The following MPP2 variants were observed in gnomAD, a reference collection of about 807,000 sequenced individuals.
The protein encoded by MPP2 is MAGUK p55 scaffold protein 2.
Under a neutral mutation model 58.5 loss-of-function variants are expected in MPP2, and 42 were observed. The observed-to-expected ratio is 0.72, with a 90% CI of 0.56 to 0.93. The LOEUF (loss-of-function observed/expected upper bound fraction) is 0.93, where lower values mean the gene tolerates loss of function less well. Ranked by LOEUF, MPP2 falls within the 40% of genes least tolerant of loss-of-function variation. MPP2 has a pLI of 0.00. For synonymous variants in MPP2, 300 were observed against 307.8 expected (o/e 0.97, Z 0.26); for missense variants, 632 against 760.4 (o/e 0.83, Z 1.99).
intron 3 of MPP2, among the ~76,000 whole-genome samples, chr17:43,885,331 A>G (rs1246370023): frequency 6.6e-6 from 1 of 152,028 alleles, no homozygotes; most frequent in African/African-American, 2.4e-5. Flanking sequence ...ACATGTTCCC[A>G]TCAGTCCTTG....
chr17:43,880,009 C>T lies in MPP2; in HGVS notation c.1151-25G>A, dbSNP rs530285603. ...TCTAGGGGGATGGGGGTAGGTTGGA[C>T]CAAATGGGCAGGGGCAGGTTACAGT... On this transcript the variant is annotated intron_variant, in intron 10 of 12. Coordinates refer to ENST00000269095, the MANE Select transcript of MPP2 (RefSeq NM_005374.5). The surrounding 1 kb of genome is among the most constrained non-coding windows in gnomAD (Gnocchi z 5.2). 1.2e-6 allele frequency: 2 copies of T among 1,612,176 alleles called. No individual in the cohort carries two copies. Among genetic ancestry groups the T allele is most frequent in the African/African-American group, 1.3e-5 (1 of 74,904 alleles).
chr17:43,882,212 C>T (rs1255289874), intron 6 of MPP2, 72 bp downstream of exon 6: 6 of 1,405,046 alleles, frequency 4.3e-6, no homozygotes, highest in East Asian at 2.3e-5. Context: ...GGAGGGCCTC[C>T]GTGAGACCTG....
At chr17:43,884,459 A>T (rs2047280187) in intron 3 of MPP2, among the ~76,000 whole-genome samples, 1 of 152,092 alleles carries the variant, frequency 6.6e-6, no homozygotes, top group Non-Finnish European at 1.5e-5. Context: ...GCTTCAAGTG[A>T]TCCTCCTGCT....
At chr17:43,884,602 ACGTT>A (rs758016030) in intron 3 of MPP2, among the ~76,000 whole-genome samples, 2 of 152,152 alleles carry the variant, frequency 1.3e-5, no homozygotes, top group Non-Finnish European at 2.9e-5. Flanking sequence ...GATTAGACTT[ACGTT>A]AATCCTTTTG....
chr17:43,906,756 G>T (rs1311909349), intron 1 of MPP2, among the ~76,000 whole-genome samples: 1 of 152,064 alleles, frequency 6.6e-6, no homozygotes, highest in Non-Finnish European at 1.5e-5. Flanking sequence ...GGGGCGTGTT[G>T]TGAGCCATCA....
At position 43,877,910 on chromosome 17, in the gene MPP2, C is replaced by T. The variant is rs1192444777; in HGVS notation, c.1556G>A (p.Cys519Tyr). ...CCTCTCCAGGTTGCTATTGACCAGG[C>T]AGAGGTCAAAGTAGTGCCCGTAGCC... ...QRGYGHYFDL[C>Y]LVNSNLERTF... is the part of the protein sequence containing the mutation. Residue 519 changes from cysteine (C) to tyrosine (Y), a missense_variant, in exon 13 of 13, where the codon TGC (cysteine) becomes TAC (tyrosine). Physicochemically the swap from Cys to Tyr is radical, Grantham distance 194. Coordinates refer to ENST00000269095, the MANE Select transcript of MPP2 (RefSeq NM_005374.5). 3 of 1,613,930 alleles carry T rather than the reference C, an allele frequency of 1.9e-6. No individual in the cohort carries two copies. The highest frequency in any genetic ancestry group is 2.5e-6 in the Non-Finnish European group (3 of 1,179,940).
At chr17:43,909,505 C>A (rs1850495528), upstream of MPP2, 2 of 1,262,914 alleles carry the variant, frequency 1.6e-6, no homozygotes, top group Non-Finnish European at 2.1e-6. Flanking sequence ...TGAATCTCTA[C>A]AAGATATTAA....
intron 3 of MPP2, among the ~76,000 whole-genome samples, chr17:43,893,602 T>C (rs1304336756): frequency 1.3e-5 from 2 of 152,166 alleles, no homozygotes; most frequent in Non-Finnish European, 2.9e-5. Context: ...CTGCCTGAGC[T>C]CCACCTCCTG....
intron 3 of MPP2, among the ~76,000 whole-genome samples, chr17:43,897,855 A>T (rs985414626): frequency 3.3e-5 from 5 of 152,176 alleles, no homozygotes; most frequent in South Asian, 2.1e-4. Flanking sequence ...TGTCATTACC[A>T]AATTGTCCTA....
At chr17:43,900,693 G>T (rs1299751144) in intron 2 of MPP2, 4 of 1,373,094 alleles carry the variant, frequency 2.9e-6, no homozygotes, top group Non-Finnish European at 3.8e-6. Context: ...AGGCTCAGCC[G>T]CCGTGACCGC....
intron 12 of MPP2, among the ~76,000 whole-genome samples, chr17:43,878,852 C>T (rs529769539): frequency 2.0e-5 from 3 of 152,342 alleles, no homozygotes; most frequent in African/African-American, 4.8e-5. Context: ...TGCTCCCTGA[C>T]GCTGACTCAG....
chr17:43,884,086 CA>C (rs2047264609), intron 3 of MPP2: 3 of 702,632 alleles, frequency 4.3e-6, no homozygotes, highest in Non-Finnish European at 7.8e-6. Context: ...CACTTTACCC[CA>C]AAGTATTTCA....
chr17:43,899,519 G>T (rs2047997696), intron 2 of MPP2, among the ~76,000 whole-genome samples: 1 of 152,194 alleles, frequency 6.6e-6, no homozygotes. Context: ...CCTGTAAAAT[G>T]GATGGATTGG....
intron 12 of MPP2, among the ~76,000 whole-genome samples, chr17:43,878,632 G>A (rs1450159443): frequency 1.3e-5 from 2 of 152,206 alleles, no homozygotes; most frequent in African/African-American, 4.8e-5. Flanking sequence ...TTGGCAGAAG[G>A]GTGCCAGCCT....
At chr17:43,900,293 C>T (rs2048032484) in intron 2 of MPP2, among the ~76,000 whole-genome samples, 1 of 152,176 alleles carries the variant, frequency 6.6e-6, no homozygotes, top group African/African-American at 2.4e-5. Flanking sequence ...AGATTCCCTC[C>T]GTTATCTAGG....
At position 43,881,263 on chromosome 17, in the gene MPP2, C is replaced by T. The variant is rs981209405; in HGVS notation, c.900G>A (p.Leu300=). Residue 300 remains leucine (L), a synonymous_variant, in exon 8 of 13, where the codon CTG becomes CTA. Coordinates refer to ENST00000269095, the MANE Select transcript of MPP2 (RefSeq NM_005374.5). ...EKRKAFVKRD[L]ELTPNSGTLC... ...TCCTACCTGAGTTTGGTGTCAGCTC[C>T]AGGTCCCTCTTGACAAATGCTTTCC... 1.2e-6 allele frequency: 2 copies of T among 1,614,056 alleles called. No individual in the cohort carries two copies. Among genetic ancestry groups the T allele is most frequent in the African/African-American group, 2.7e-5 (2 of 74,980 alleles).
At chr17:43,878,016 A>T (rs1407246369) in intron 12 of MPP2, 33 bp from the exon 13 acceptor site, 2 of 1,591,542 alleles carry the variant, frequency 1.3e-6, no homozygotes, top group South Asian at 2.3e-5. Flanking sequence ...CCCTACAGTC[A>T]GTGCCCACAA....
upstream of MPP2, chr17:43,909,519 C>T (rs2048384736): frequency 3.0e-6 from 4 of 1,337,384 alleles, no homozygotes; most frequent in Non-Finnish European, 3.9e-6. Flanking sequence ...ATATTAATTA[C>T]TTCTTAATCA....
In MPP2 at chr17:43,881,149, C is replaced by T. The variant is rs1268628761; in HGVS notation, c.929G>A (p.Cys310Tyr). The T allele has an allele frequency of 6.2e-7, 1 of 1,613,880 alleles. No homozygotes were observed. The highest frequency in any genetic ancestry group is 8.5e-7 in the Non-Finnish European group (1 of 1,179,982). ...CTTTTTCTTTCCTGAAAGGCTGCCG[C>T]ATAGGGTCCCTGGCCATAGGGAGAT... ...LELTPNSGTL[C>Y]GSLSGKKKKR... Residue 310 changes from cysteine to tyrosine, a missense_variant, in exon 9 of 13, where the codon TGC becomes TAC. By Grantham distance (194) the Cys-to-Tyr change is radical. Coordinates refer to ENST00000269095, the MANE Select transcript of MPP2 (RefSeq NM_005374.5).
Sources: gnomAD v4.1 joint callset for allele counts (sites outside exome capture counted in the v4.1 genomes callset) on GRCh38, gnomAD v4.1.1 for gene constraint, Gnocchi (gnomAD v3.1) non-coding constraint, MANE v1.5 for transcripts, NCBI Gene and HGNC (gene_info 2026-07-23, HGNC 2026-07-21) for gene names.